The following LRFN2 variants were observed in gnomAD, a reference collection of about 807,000 sequenced individuals.
LRFN2 encodes leucine rich repeat and fibronectin type III domain containing 2.
In LRFN2, 18 loss-of-function variants were observed where a neutral mutation model predicts 37.3. That is an observed-to-expected ratio of 0.48 (90% CI 0.33 to 0.72). The LOEUF is 0.72. LRFN2 is among the 30% of genes least tolerant of loss of function. The pLI, the probability that LRFN2 is intolerant of heterozygous loss-of-function variation, is 0.02. For missense variants in LRFN2, 1,006 were observed against 1,060.7 expected (o/e 0.95, Z 0.72); for synonymous variants, 556 against 466.6 (o/e 1.19, Z -2.47).
chr6:40,563,142 G>A (rs1022635822), intron 1 of LRFN2, among the ~76,000 whole-genome samples: 7 of 152,118 alleles, frequency 4.6e-5, no homozygotes, highest in Non-Finnish European at 1.0e-4. Flanking sequence ...TGCATGTGTA[G>A]AGACCCCTCC....
chr6:40,463,997 T>G (rs1764404050), intron 1 of LRFN2, among the ~76,000 whole-genome samples: 1 of 152,194 alleles, frequency 6.6e-6, no homozygotes, highest in Admixed American at 6.5e-5. Context: ...CCTGGCCAAC[T>G]CCTAATGTCC....
chr6:40,407,853 A>G (rs1180103932), intron 2 of LRFN2: 1 of 152,284 alleles, frequency 6.6e-6, no homozygotes, highest in Non-Finnish European at 1.5e-5. Context: ...ATGCTATCGT[A>G]TGCTCTCTTT....
chr6:40,393,003 G>A, intron 2 of LRFN2, 91 bp from the exon 3 acceptor site: 1 of 1,028,800 alleles, frequency 9.7e-7, no homozygotes, highest in South Asian at 1.6e-5. Flanking sequence ...CAGAGTGACA[G>A]AGATGGGGAG....
chr6:40,496,022 G>A (rs952822639), intron 1 of LRFN2, among the ~76,000 whole-genome samples: 8 of 152,010 alleles, frequency 5.3e-5, no homozygotes, highest in East Asian at 1.9e-4. Flanking sequence ...TACATTCCCC[G>A]CTTGGAGCCT....
intron 1 of LRFN2, among the ~76,000 whole-genome samples, chr6:40,500,951 C>CTT (rs5875720): frequency 5.7e-5 from 8 of 139,874 alleles, no homozygotes; most frequent in African/African-American, 1.0e-4. Context: ...TGTTTTTTCA[C>CTT]TTTTTTTTTT....
chr6:40,452,785 G>C (rs1281552098), intron 1 of LRFN2, among the ~76,000 whole-genome samples: 2 of 152,122 alleles, frequency 1.3e-5, no homozygotes, highest in South Asian at 4.1e-4. Context: ...TTAGCACACA[G>C]AGAGGAGGTC....
At chr6:40,471,037 G>T (rs908919225) in intron 1 of LRFN2, among the ~76,000 whole-genome samples, 6 of 152,176 alleles carry the variant, frequency 3.9e-5, no homozygotes, top group African/African-American at 1.4e-4. Flanking sequence ...TGTCCAGCTG[G>T]TCTGGGCCTG....
intron 1 of LRFN2, among the ~76,000 whole-genome samples, chr6:40,576,459 G>T (rs1581802585): frequency 6.6e-6 from 1 of 152,186 alleles, no homozygotes; most frequent in Non-Finnish European, 1.5e-5. Flanking sequence ...TATCAGCCTG[G>T]CATTGCAGCG....
At chr6:40,567,834 G>T (rs950925270) in intron 1 of LRFN2, among the ~76,000 whole-genome samples, 10 of 152,074 alleles carry the variant, frequency 6.6e-5, no homozygotes, top group African/African-American at 2.4e-4. Context: ...GGAGGTGCTG[G>T]TGAGGCGGCA....
chr6:40,429,065 A>G (rs976118544), intron 2 of LRFN2, among the ~76,000 whole-genome samples: 2 of 152,196 alleles, frequency 1.3e-5, no homozygotes, highest in African/African-American at 4.8e-5. Flanking sequence ...GGATTTCCAC[A>G]CTGTATCTCC....
chr6:40,557,103 C>T (rs977115155), intron 1 of LRFN2, among the ~76,000 whole-genome samples: 10 of 152,158 alleles, frequency 6.6e-5, no homozygotes, highest in South Asian at 4.1e-4. Context: ...GCAAAGACTT[C>T]GTTTTGTGCA....
chr6:40,568,776 C>T (rs1252560694), intron 1 of LRFN2, among the ~76,000 whole-genome samples: 2 of 150,692 alleles, frequency 1.3e-5, no homozygotes, highest in African/African-American at 4.9e-5. Flanking sequence ...GGCTGGAGTG[C>T]AATGGTGCGA....
chr6:40,560,379 G>A (rs191049837), intron 1 of LRFN2, among the ~76,000 whole-genome samples: 272 of 152,248 alleles, frequency 1.8e-3, no homozygotes, highest in African/African-American at 6.2e-3. Context: ...TGCCTGACTG[G>A]GGAAGCCCAG....
chr6:40,581,332 A>G (rs1767394670), intron 1 of LRFN2, among the ~76,000 whole-genome samples: 1 of 152,204 alleles, frequency 6.6e-6, no homozygotes, highest in Non-Finnish European at 1.5e-5. Context: ...AGGCCTTAGG[A>G]GAGCACACAG....
intron 1 of LRFN2, among the ~76,000 whole-genome samples, chr6:40,578,739 T>C (rs994892397): frequency 8.5e-5 from 13 of 152,228 alleles, no homozygotes; most frequent in Admixed American, 8.5e-4. Context: ...AAGTACCTTA[T>C]GTATAGTAGT....
intron 1 of LRFN2, among the ~76,000 whole-genome samples, chr6:40,544,023 C>G (rs1304944989): frequency 1.3e-5 from 2 of 152,236 alleles, no homozygotes; most frequent in East Asian, 3.9e-4. Context: ...TGGCTGCCAA[C>G]CAGCACCACC....
At chr6:40,481,413 G>T (rs955404371) in intron 1 of LRFN2, among the ~76,000 whole-genome samples, 4 of 136,012 alleles carry the variant, frequency 2.9e-5, no homozygotes, top group African/African-American at 1.1e-4. Flanking sequence ...CTGCACTCCA[G>T]CCTGGGCAAC....
In LRFN2 at chr6:40,391,621, A is replaced by G. The variant is rs530266096; in HGVS notation, c.*322T>C. The G allele has an allele frequency of 4.0e-6, 1 of 252,076 alleles. No individual in the cohort carries two copies. The highest frequency in any genetic ancestry group is 7.3e-5 in the East Asian group (1 of 13,764). The allele number at this position is 252,076 out of a possible 1,614,324, so 15.6% of individuals were successfully genotyped here. ...AAAAAAAATAAATTAAGAAATAAAA[A>G]CAACACTAGACCCATAAGCAATCCA... On this transcript the variant is annotated 3_prime_UTR_variant, in exon 3 of 3. Coordinates refer to ENST00000338305, the MANE Select transcript of LRFN2 (RefSeq NM_020737.3).
intron 1 of LRFN2, among the ~76,000 whole-genome samples, chr6:40,468,108 T>A (rs1037926894): frequency 6.6e-6 from 1 of 152,128 alleles, no homozygotes; most frequent in Non-Finnish European, 1.5e-5. Context: ...TACTTGGTTA[T>A]TGGGCACCTG....
Sources: allele counts gnomAD v4.1 joint callset (sites outside exome capture counted in the v4.1 genomes callset), GRCh38; gene constraint gnomAD v4.1.1; transcripts MANE v1.5; gene names NCBI Gene and HGNC (gene_info 2026-07-23, HGNC 2026-07-21).